Variants in CTNNA2 observed in about 807,000 individuals in gnomAD.
The protein encoded by CTNNA2 is catenin alpha 2.
CTNNA2 carries 42 observed loss-of-function variants against 101.0 expected under a neutral mutation model. The observed-to-expected ratio is 0.42, with a 90% CI of 0.32 to 0.54. The LOEUF (loss-of-function observed/expected upper bound fraction) is 0.54. CTNNA2 is among the 20% of genes least tolerant of loss of function. The probability of loss-of-function intolerance (pLI) is 0.14; values close to 1 mark genes in which losing one functional copy is unlikely to be tolerated. For synonymous variants in CTNNA2, 450 were observed against 456.4 expected (o/e 0.99, Z 0.18); for missense variants, 871 against 1,223.1 (o/e 0.71, Z 4.29).
At chr2:79,842,607 C>T (rs1358121125) in intron 3 of CTNNA2, among the ~76,000 whole-genome samples, 1 of 152,088 alleles carries the variant, frequency 6.6e-6, no homozygotes, top group Non-Finnish European at 1.5e-5. Flanking sequence ...CTAAGATCAC[C>T]GACTTTCAGA....
intron 4 of CTNNA2, among the ~76,000 whole-genome samples, chr2:79,431,150 C>A (rs1302744208): frequency 6.6e-6 from 1 of 152,056 alleles, no homozygotes; most frequent in Non-Finnish European, 1.5e-5. Context: ...GTTCAGATGA[C>A]CAGGTATACA....
intron 1 of CTNNA2, among the ~76,000 whole-genome samples, chr2:79,563,231 A>G (rs374334434): frequency 5.3e-5 from 8 of 150,164 alleles, no homozygotes; most frequent in East Asian, 2.0e-4. Context: ...TGATGTGCAT[A>G]TGATACATTT....
At chr2:79,318,193 A>T (rs1676540543) in intron 3 of CTNNA2, among the ~76,000 whole-genome samples, 1 of 152,134 alleles carries the variant, frequency 6.6e-6, no homozygotes, top group Admixed American at 6.6e-5. Context: ...TACATAATGC[A>T]TGCATATATA....
chr2:79,769,332 T>G (rs976688219), intron 3 of CTNNA2, among the ~76,000 whole-genome samples: 2 of 152,116 alleles, frequency 1.3e-5, no homozygotes, highest in African/African-American at 4.8e-5. Context: ...TCAATGCATT[T>G]TCCTTGGGCC....
At position 80,626,185 on chromosome 2, in the gene CTNNA2, C is replaced by T. The variant is rs1167754358; in HGVS notation, c.2574+6957C>T. On this transcript the variant is annotated intron_variant, in intron 18 of 18. Transcript: ENST00000402739. Reference sequence around the variant, plus strand: ...ATTAAAAATTTGTATATAGTTTCAACTACAAATGATGAAACATACAACTAG... The same window carrying T: ...ATTAAAAATTTGTATATAGTTTCAATTACAAATGATGAAACATACAACTAG... Among the ~76,000 whole-genome samples, 5 of 152,118 alleles carry T rather than the reference C, an allele frequency of 3.3e-5. No individual in the cohort carries two copies. The South Asian group carries it at 1.0e-3, about 32-fold the overall frequency.
At chr2:79,887,417 C>G (rs531999263) in intron 6 of CTNNA2, among the ~76,000 whole-genome samples, 1 of 152,136 alleles carries the variant, frequency 6.6e-6, no homozygotes, top group Non-Finnish European at 1.5e-5. Flanking sequence ...ATTATGAAAT[C>G]TTGAGAAATT....
chr2:80,382,980 C>CT (rs1676652284), intron 7 of CTNNA2, among the ~76,000 whole-genome samples: 1 of 152,162 alleles, frequency 6.6e-6, no homozygotes, highest in Non-Finnish European at 1.5e-5. Flanking sequence ...GCCTTAACTA[C>CT]TTTTATCTCA....
intron 7 of CTNNA2, among the ~76,000 whole-genome samples, chr2:80,345,996 C>G (rs1672699831): frequency 6.6e-6 from 1 of 152,114 alleles, no homozygotes; most frequent in African/African-American, 2.4e-5. Flanking sequence ...AATAATTTTC[C>G]ATTTTCACAC....
intron 7 of CTNNA2, among the ~76,000 whole-genome samples, chr2:80,078,811 T>G (rs947737389): frequency 1.3e-5 from 2 of 152,218 alleles, no homozygotes; most frequent in Non-Finnish European, 2.9e-5. Flanking sequence ...CCCTATGTTT[T>G]GTGAAGCATA....
At chr2:79,323,867 A>G (rs1350608066) in intron 3 of CTNNA2, among the ~76,000 whole-genome samples, 1 of 152,130 alleles carries the variant, frequency 6.6e-6, no homozygotes, top group Non-Finnish European at 1.5e-5. Flanking sequence ...CCATTGTTAT[A>G]TCTGGTCAGG....
chr2:79,834,899 T>C (rs1679200541), intron 3 of CTNNA2, among the ~76,000 whole-genome samples: 1 of 152,132 alleles, frequency 6.6e-6, no homozygotes, highest in Admixed American at 6.5e-5. Flanking sequence ...TTATTAATTT[T>C]CCTATTCTTA....
intron 7 of CTNNA2, among the ~76,000 whole-genome samples, chr2:80,288,091 T>G (rs1321286107): frequency 1.3e-5 from 2 of 152,270 alleles, no homozygotes; most frequent in Non-Finnish European, 2.9e-5. Flanking sequence ...GCCTTTGTCC[T>G]TAGTTGCTGC....
rs772497780 is a variant in CTNNA2 at position 80,303,740 on chromosome 2, G to A, written c.1057-89471G>A. 16 of 1,597,512 alleles carry A rather than the reference G, an allele frequency of 1.0e-5. No individual in the cohort carries two copies. The African/African-American group carries it at 2.1e-4, about 21-fold the overall frequency. On this transcript the variant is annotated intron_variant, in intron 7 of 18. Transcript: ENST00000402739. The surrounding 1 kb of genome is among the most constrained non-coding windows in gnomAD (Gnocchi z 7.7). ...GGCGGCGGGCAGCATCTGAAAGCAG[G>A]CCCCCAGCAGACACAAGACCACCCC...
intron 2 of CTNNA2, among the ~76,000 whole-genome samples, chr2:79,739,656 A>T (rs1174475016): frequency 6.6e-6 from 1 of 152,242 alleles, no homozygotes; most frequent in Non-Finnish European, 1.5e-5. Flanking sequence ...CAAGACTGCC[A>T]ACAAGCTGCA....
chr2:80,040,504 C>A (rs1190341017), intron 7 of CTNNA2, among the ~76,000 whole-genome samples: 4 of 152,180 alleles, frequency 2.6e-5, no homozygotes, highest in African/African-American at 7.2e-5. Flanking sequence ...TTTAAAGGGG[C>A]TGTTCCTGTA....
chr2:80,154,234 T>C (rs933021714), intron 7 of CTNNA2, among the ~76,000 whole-genome samples: 1 of 151,868 alleles, frequency 6.6e-6, no homozygotes, highest in Non-Finnish European at 1.5e-5. Flanking sequence ...CTATTAAGCA[T>C]TTTTTTTCCT....
At chr2:80,251,284 C>CAT (rs541726880) in intron 7 of CTNNA2, among the ~76,000 whole-genome samples, 111 of 152,126 alleles carry the variant, frequency 7.3e-4, no homozygotes, top group Non-Finnish European at 2.1e-4. Context: ...TTTGAGATGC[C>CAT]ATTTGTTAAA....
intron 2 of CTNNA2, among the ~76,000 whole-genome samples, chr2:79,242,895 A>T (rs1390871470): frequency 6.7e-6 from 1 of 150,356 alleles, no homozygotes; most frequent in East Asian, 2.0e-4. Flanking sequence ...TTGAGGGGGG[A>T]GTATGAGGCT....
At chr2:80,269,750 C>T (rs1476376619) in intron 7 of CTNNA2, among the ~76,000 whole-genome samples, 1 of 152,110 alleles carries the variant, frequency 6.6e-6, no homozygotes, top group African/African-American at 2.4e-5. Context: ...TATTTTCCAT[C>T]AGATAATATG....
Sources: gnomAD v4.1 joint callset for allele counts (sites outside exome capture counted in the v4.1 genomes callset) on GRCh38, gnomAD v4.1.1 for gene constraint, Gnocchi (gnomAD v3.1) non-coding constraint, MANE v1.5 for transcripts, NCBI Gene and HGNC (gene_info 2026-07-23, HGNC 2026-07-21) for gene names.